AKIP1: variants seen among roughly 807,000 people sequenced by gnomAD.
AKIP1 encodes the protein A-kinase-interacting protein 1.
A neutral mutation model predicts 22.3 loss-of-function variants in AKIP1; 18 were observed. The ratio of observed to expected loss-of-function variants is 0.81; its 90% CI spans 0.56 to 1.19. AKIP1 has a LOEUF of 1.19. Ranked by LOEUF, AKIP1 falls within the 50% of genes most tolerant of loss-of-function variation. The pLI, the probability that AKIP1 is intolerant of heterozygous loss-of-function variation, is 0.00. For synonymous variants in AKIP1, 120 were observed against 102.7 expected (o/e 1.17, Z -1.02); for missense variants, 287 against 264.6 (o/e 1.08, Z -0.59).
At chr11:8,917,940 A>C (rs564380675) in intron 5 of AKIP1, 1 of 154,970 alleles carries the variant, frequency 6.5e-6, no homozygotes, top group South Asian at 2.1e-4. Flanking sequence ...AAGGAACTTC[A>C]TTCAGCATGG....
At chr11:8,912,374 G>GT in intron 2 of AKIP1, 79 bp from the exon 3 acceptor site, 9 of 1,151,914 alleles carry the variant, frequency 7.8e-6, no homozygotes, top group Non-Finnish European at 1.2e-5. Context: ...AAAGTAAAAA[G>GT]GAGACTATTT....
chr11:8,911,463 T>G lies in AKIP1; in HGVS notation c.14T>G (p.Leu5Trp), dbSNP rs200231500. The change falls in exon 2 of 6, where the codon TTG becomes TGG. Residue 5 changes from leucine (L) to tryptophan (W), a missense_variant. Transcript: ENST00000309377. MDNC[L>W]AAAALNGVDR... is the part of the protein sequence containing the mutation. Reference sequence around the variant, plus strand: ...ACTCAGGGAGCCATGGACAACTGTTTGGCGGCCGCAGCGCTGAATGGGGTG... The same window carrying G: ...ACTCAGGGAGCCATGGACAACTGTTGGGCGGCCGCAGCGCTGAATGGGGTG... 882 of 1,598,544 alleles carry G rather than the reference T, an allele frequency of 5.5e-4. No individual in the cohort carries two copies. The highest frequency in any genetic ancestry group is 7.2e-4 in the Non-Finnish European group (845 of 1,172,878).
rs773054370 is a variant in AKIP1 at position 8,911,559 on chromosome 11, T to G, written c.110T>G (p.Val37Gly). The change falls in exon 2 of 6, where the codon GTG becomes GGG. Residue 37 changes from valine (V) to glycine (G), a missense_variant. Val to Gly is a moderately radical substitution (Grantham distance 109, BLOSUM62 -3). Coordinates refer to ENST00000309377, the MANE Select transcript of AKIP1 (RefSeq NM_020642.4). ...CTGGAGAGGGCCAAGAGGAGGGCGG[T>G]GGACTGGCATGCCCTGGAGCGTCCC... ...EVLERAKRRAVDWHALERPKG... is the reference protein window; with the variant it reads ...EVLERAKRRAGDWHALERPKG... 1.2e-6 allele frequency: 2 copies of G among 1,610,994 alleles called. No homozygotes were observed. The highest frequency in any genetic ancestry group is 1.7e-6 in the Non-Finnish European group (2 of 1,179,010).
chr11:8,914,956 C>CA (rs767364125), intron 4 of AKIP1, 26 bp downstream of exon 4: 1 of 1,564,378 alleles, frequency 6.4e-7, no homozygotes, highest in Middle Eastern at 1.8e-4. Context: ...TGTCCTGCAC[C>CA]ATGCCTTCAG....
Position 8,911,210 on chromosome 11 carries a change from G to C in AKIP1, c.-20G>C. On this transcript the variant is annotated 5_prime_UTR_variant, in exon 1 of 6. Transcript: ENST00000309377. ...GAATAGCGTTGCGCGCATGCGCCTT[G>C]ACGAGTGAGCCGGGTGAGGGGGCTC... is the stretch of plus-strand genomic sequence containing the variant. The C allele has an allele frequency of 1.8e-6, 1 of 541,564 alleles. No homozygotes were observed. The highest frequency in any genetic ancestry group is 3.0e-5 in the East Asian group (1 of 32,930). The allele number at this position is 541,564 out of a possible 1,614,324, so 33.5% of individuals were successfully genotyped here. A position where few individuals can be genotyped will look rare whatever the true frequency, so the allele number is the denominator to read the frequency against.
rs1453506336 is a variant in AKIP1, at chr11:8,911,427, G to C, written c.-6-17G>C. 14 of 1,562,728 alleles carry C rather than the reference G, an allele frequency of 9.0e-6. No individual in the cohort carries two copies. The highest frequency in any genetic ancestry group is 1.2e-5 in the Non-Finnish European group (14 of 1,153,520). On this transcript the variant is annotated splice_polypyrimidine_tract_variant and intron_variant, in intron 1 of 5. Transcript: ENST00000309377. ...CCAGCTGACCCGCCGGCGTTTGTAC[G>C]TTGTGTGCCCACTCAGGGAGCCATG...
rs747383770 is a variant in AKIP1, at chr11:8,911,636, C to T, written c.187C>T (p.Pro63Ser). 1.3e-6 allele frequency: 2 copies of T among 1,581,488 alleles called. No homozygotes were observed. The highest frequency in any genetic ancestry group is 1.7e-6 in the Non-Finnish European group (2 of 1,165,708). ...AREAPHLEKQPAAGPQRVLPG... is the reference protein window; with the variant it reads ...AREAPHLEKQSAAGPQRVLPG... ...GGAGGCGCCCCACCTAGAGAAACAG[C>T]CGGCAGCCGGCCCGCAGCGCGTTCT... Residue 63 changes from proline (P) to serine (S), a missense_variant, in exon 2 of 6, where the codon CCG becomes TCG. Physicochemically the swap from Pro to Ser is moderately conservative, Grantham distance 74. Transcript: ENST00000309377.
intron 1 of AKIP1, 110 bp from the exon 2 acceptor site, chr11:8,911,334 G>A (rs1440528244): frequency 4.1e-6 from 4 of 966,798 alleles, no homozygotes; most frequent in Non-Finnish European, 6.1e-6. Context: ...GGGCGGACCA[G>A]GAGCGGTGGT....
chr11:8,911,374 C>T, intron 1 of AKIP1, 70 bp from the exon 2 acceptor site: 1 of 1,397,944 alleles, frequency 7.2e-7, no homozygotes, highest in Non-Finnish European at 9.7e-7. Context: ...GGGGCTCCCA[C>T]CCGGATTTGG....
Position 8,914,863 on chromosome 11 carries a change from CCCATGT to C in AKIP1, c.343_348del (p.His115_Val116del). 1 of 1,614,034 alleles carries C rather than the reference CCCATGT, an allele frequency of 6.2e-7. No individual in the cohort carries two copies. The highest frequency in any genetic ancestry group is 8.5e-7 in the Non-Finnish European group (1 of 1,179,988). ...TCTGTGCCAGAGGAAGGAGGGGCAACCCATGTCTATCGTTATCACAGAGGCGAGTCG... is the reference window on the plus strand; with the variant it reads ...TCTGTGCCAGAGGAAGGAGGGGCAACCTATCGTTATCACAGAGGCGAGTCG... On this transcript the variant is annotated inframe_deletion, in exon 4 of 6. Transcript: ENST00000309377.
intron 3 of AKIP1, 111 bp from the exon 4 acceptor site, chr11:8,914,715 C>G (rs1414991383): frequency 1.3e-6 from 1 of 740,876 alleles, no homozygotes; most frequent in Non-Finnish European, 2.3e-6. Context: ...AGGTAATTCA[C>G]CTTTGCTCTC....
chr11:8,912,198 CAAAAAAAAAA>C (rs57540447), intron 2 of AKIP1, among the ~76,000 whole-genome samples: 1 of 79,642 alleles, frequency 1.3e-5, no homozygotes, highest in African/African-American at 4.3e-5. Flanking sequence ...ACCTCCGTCT[CAAAAAAAAAA>C]AAAAAAAAAA....
chr11:8,913,760 A>G (rs560412020), intron 3 of AKIP1, among the ~76,000 whole-genome samples: 1 of 152,348 alleles, frequency 6.6e-6, no homozygotes, highest in African/African-American at 2.4e-5. Flanking sequence ...CCCTGACTCC[A>G]AGAATAGGAT....
intron 4 of AKIP1, among the ~76,000 whole-genome samples, chr11:8,915,827 T>C (rs1408269502): frequency 1.3e-4 from 19 of 147,456 alleles, no homozygotes; most frequent in Non-Finnish European, 2.6e-4. Context: ...TTCTTTTTTT[T>C]TTTTTTTTTT....
At position 8,919,589 on chromosome 11, in the gene AKIP1, G is replaced by A. The variant is rs1452994569; in HGVS notation, c.*109G>A. 3 of 1,282,080 alleles carry A rather than the reference G, an allele frequency of 2.3e-6. No individual in the cohort carries two copies. Among genetic ancestry groups the A allele is most frequent in the Non-Finnish European group, 3.2e-6 (3 of 924,388 alleles). 79.4% of individuals were successfully genotyped at this position (1,282,080 alleles called of 1,614,324 possible). A position where few individuals can be genotyped will look rare whatever the true frequency, so the allele number is the denominator to read the frequency against. On this transcript the variant is annotated 3_prime_UTR_variant, in exon 6 of 6. Coordinates refer to ENST00000309377, the MANE Select transcript of AKIP1 (RefSeq NM_020642.4). ...TAATCCTGTTTTTAGTGCTGACTGG[G>A]TCAGCCTTCCGGGAACTGGAGTCTG...
At chr11:8,917,128 C>T (rs2064497550) in intron 4 of AKIP1, among the ~76,000 whole-genome samples, 159 bp from the exon 5 acceptor site, 1 of 152,124 alleles carries the variant, frequency 6.6e-6, no homozygotes, top group Non-Finnish European at 1.5e-5. Flanking sequence ...CTAAAAATAC[C>T]TCACAGAATT....
At chr11:8,911,749 A>C (rs543775830) in intron 2 of AKIP1, 78 bp downstream of exon 2, 1 of 1,374,022 alleles carries the variant, frequency 7.3e-7, no homozygotes, top group Non-Finnish European at 9.6e-7. Context: ...TGCGCAGCGC[A>C]GAAGCAGCTG....
In AKIP1 at chr11:8,919,747, C is replaced by T. The variant is rs946288201; in HGVS notation, c.*267C>T. The T allele has an allele frequency of 3.1e-4, 87 of 282,210 alleles. No homozygotes were observed. The highest frequency in any genetic ancestry group is 2.4e-3 in the Middle Eastern group (2 of 834). The allele number at this position is 282,210 out of a possible 1,614,324, so 17.5% of individuals were successfully genotyped here. Reference sequence around the variant, plus strand: ...CGCCTCCCGGGTTCACACCATTCTCCTGCCTCAGCCTCCCGAGTAGCTGGC... The same window carrying T: ...CGCCTCCCGGGTTCACACCATTCTCTTGCCTCAGCCTCCCGAGTAGCTGGC... On this transcript the variant is annotated 3_prime_UTR_variant, in exon 6 of 6. Coordinates refer to ENST00000309377, the MANE Select transcript of AKIP1 (RefSeq NM_020642.4).
At chr11:8,915,351 T>C (rs201730630) in intron 4 of AKIP1, among the ~76,000 whole-genome samples, 1,392 of 128,056 alleles carry the variant, frequency 0.011, 24 homozygotes, top group East Asian at 0.046. Flanking sequence ...GATAGGATTT[T>C]TTTTTTCTTT....
Sources: allele counts gnomAD v4.1 joint callset (sites outside exome capture counted in the v4.1 genomes callset), GRCh38; gene constraint gnomAD v4.1.1; transcripts MANE v1.5; gene names NCBI Gene and HGNC (gene_info 2026-07-23, HGNC 2026-07-21).